Variants in AKAP7 observed in about 807,000 individuals in gnomAD.
AKAP7 encodes A kinase (PRKA) anchor protein 7.
AKAP7 carries 39 observed loss-of-function variants against 39.5 expected under a neutral mutation model. The observed-to-expected ratio is 0.99, with a 90% CI of 0.76 to 1.29. The LOEUF is 1.29. Ranked by LOEUF, AKAP7 falls within the 50% of genes most tolerant of loss-of-function variation. The pLI is 0.00. For synonymous variants in AKAP7, 140 were observed against 139.1 expected, an observed-to-expected ratio of 1.01 and a Z score of -0.05; for missense variants, 414 against 407.7, an observed-to-expected ratio of 1.02 and a Z score of -0.13.
chr6:131,223,839 G>T (rs1310872370), intron 7 of AKAP7, among the ~76,000 whole-genome samples: 1 of 152,094 alleles, frequency 6.6e-6, no homozygotes, highest in African/African-American at 2.4e-5. Context: ...TACCTAAATT[G>T]ACACTGGACA....
At chr6:131,143,954 G>A (rs867788948) in intron 1 of AKAP7, among the ~76,000 whole-genome samples, 1 of 137,974 alleles carries the variant, frequency 7.2e-6, no homozygotes, top group Middle Eastern at 3.5e-3. Flanking sequence ...TTAGGGAGTG[G>A]TGATGACTCT....
intron 7 of AKAP7, among the ~76,000 whole-genome samples, chr6:131,279,359 C>G (rs924374412): frequency 2.6e-5 from 4 of 152,154 alleles, no homozygotes; most frequent in African/African-American, 9.7e-5. Flanking sequence ...ACCTCTGCCT[C>G]CTGAGTTCAA....
intron 7 of AKAP7, among the ~76,000 whole-genome samples, chr6:131,242,916 C>T (rs1051676641): frequency 9.2e-5 from 14 of 152,300 alleles, no homozygotes; most frequent in African/African-American, 3.4e-4. Context: ...AACCAACATC[C>T]TTCACAAGAA....
rs750108715 is a variant in AKAP7 at position 131,282,293 on chromosome 6, T to A, written c.*567T>A. On this transcript the variant is annotated 3_prime_UTR_variant, in exon 8 of 8. Coordinates refer to ENST00000431975, the MANE Select transcript of AKAP7 (RefSeq NM_016377.4). ...ATATATTTTTGGTGAAATGCAACCT[T>A]TTCTATAAAATGTGGGCAACATTTT... The A allele has an allele frequency of 2.2e-6, 3 of 1,358,946 alleles. No homozygotes were observed. The highest frequency in any genetic ancestry group is 2.8e-6 in the Non-Finnish European group (3 of 1,060,308). 84.2% of individuals were successfully genotyped at this position (1,358,946 alleles called of 1,614,324 possible).
chr6:131,207,388 T>G (rs1808208272), intron 6 of AKAP7, among the ~76,000 whole-genome samples: 1 of 150,118 alleles, frequency 6.7e-6, no homozygotes, highest in Non-Finnish European at 1.5e-5. Context: ...GGCATGATCA[T>G]AGCTGATCGC....
At chr6:131,143,744 T>TA (rs1562859546) in intron 1 of AKAP7, among the ~76,000 whole-genome samples, 15 of 133,896 alleles carry the variant, frequency 1.1e-4, no homozygotes, top group African/African-American at 4.6e-4. Flanking sequence ...TATTCTTTTT[T>TA]TTTTTTTATT....
rs375145099 is a variant in AKAP7 at position 131,181,944 on chromosome 6, T to C, written c.589+12671T>C. On this transcript the variant is annotated intron_variant, in intron 5 of 7. Transcript: ENST00000431975. ...TTTGAAACCAGCCTGGCCAACATAGTGAAACTCCATCTCTACTAAAAATAC... is the reference window on the plus strand; with the variant it reads ...TTTGAAACCAGCCTGGCCAACATAGCGAAACTCCATCTCTACTAAAAATAC... Among the ~76,000 whole-genome samples the C allele has an allele frequency of 1.4e-4, 21 of 151,950 alleles. 1 individual carries two copies. Among genetic ancestry groups the C allele is most frequent in the East Asian group, 1.4e-3 (7 of 5,180 alleles).
chr6:131,282,724 G>T lies in AKAP7; in HGVS notation c.*998G>T. 1 of 756,360 alleles carries T rather than the reference G, an allele frequency of 1.3e-6. No homozygotes were observed. The allele number at this position is 756,360 out of a possible 1,614,324, so 46.9% of individuals were successfully genotyped here. ...CTGCACAACAGCAAACCAACATTTG[G>T]TGAGGAATTAGCAATTTCTTGCCAA... is the stretch of plus-strand genomic sequence containing the variant. On this transcript the variant is annotated 3_prime_UTR_variant, in exon 8 of 8. Coordinates refer to ENST00000431975, the MANE Select transcript of AKAP7 (RefSeq NM_016377.4).
chr6:131,189,593 T>C (rs554793225), intron 5 of AKAP7, among the ~76,000 whole-genome samples: 1 of 152,188 alleles, frequency 6.6e-6, no homozygotes, highest in African/African-American at 2.4e-5. Flanking sequence ...AAGATTATTA[T>C]GTAAATTTAT....
At chr6:131,135,921 A>G (rs1584916054) in intron 1 of AKAP7, 139 bp downstream of exon 1, 16 of 1,018,964 alleles carry the variant, frequency 1.6e-5, no homozygotes, top group Non-Finnish European at 2.0e-5. Context: ...AAAAGGACTC[A>G]GGGTAGCACC....
chr6:131,241,887 T>C (rs1391145406), intron 7 of AKAP7, among the ~76,000 whole-genome samples: 3 of 152,116 alleles, frequency 2.0e-5, no homozygotes, highest in East Asian at 3.9e-4. Context: ...GGAACATCAG[T>C]AGCCTAAAAA....
intron 7 of AKAP7, among the ~76,000 whole-genome samples, chr6:131,246,867 T>A (rs1431135488): frequency 6.6e-6 from 1 of 152,066 alleles, no homozygotes; most frequent in East Asian, 1.9e-4. Flanking sequence ...TATAGCTGAG[T>A]CTACACACAA....
At chr6:131,153,339 AGAT>A (rs1362735110) in intron 2 of AKAP7, among the ~76,000 whole-genome samples, 16 of 152,222 alleles carry the variant, frequency 1.1e-4, no homozygotes, top group Non-Finnish European at 1.5e-4. Flanking sequence ...AGAAAATTTT[AGAT>A]TATCCAGTTC....
chr6:131,213,752 C>G (rs1425853967), intron 6 of AKAP7, among the ~76,000 whole-genome samples: 2 of 151,970 alleles, frequency 1.3e-5, no homozygotes, highest in African/African-American at 4.8e-5. Flanking sequence ...TATGGTCTCT[C>G]CTGCAGGAAA....
chr6:131,181,277 C>T (rs1198893613), intron 5 of AKAP7, among the ~76,000 whole-genome samples: 2 of 152,174 alleles, frequency 1.3e-5, no homozygotes, highest in Non-Finnish European at 2.9e-5. Context: ...GTCAATCTCC[C>T]TACTCTTCCA....
At chr6:131,224,374 C>A (rs1020884407) in intron 7 of AKAP7, among the ~76,000 whole-genome samples, 4 of 152,212 alleles carry the variant, frequency 2.6e-5, no homozygotes. Flanking sequence ...ATGTCAATTT[C>A]TTGAGGCTTG....
intron 7 of AKAP7, among the ~76,000 whole-genome samples, chr6:131,223,485 C>A (rs767429446): frequency 1.3e-5 from 2 of 152,140 alleles, no homozygotes; most frequent in Non-Finnish European, 2.9e-5. Flanking sequence ...TTCAGTATGT[C>A]GTTTGAATTT....
intron 5 of AKAP7, among the ~76,000 whole-genome samples, chr6:131,180,376 T>C (rs1194143647): frequency 1.2e-4 from 19 of 152,204 alleles, no homozygotes. Context: ...CCAACTTTAC[T>C]TGCTCAATAA....
intron 2 of AKAP7, among the ~76,000 whole-genome samples, chr6:131,159,668 A>G (rs539597652): frequency 6.6e-6 from 1 of 152,210 alleles, no homozygotes; most frequent in Non-Finnish European, 1.5e-5. Flanking sequence ...AAACATACCT[A>G]TACAGGATGG....
Sources: gnomAD v4.1 joint callset for allele counts (sites outside exome capture counted in the v4.1 genomes callset) on GRCh38, gnomAD v4.1.1 for gene constraint, MANE v1.5 for transcripts, NCBI Gene and HGNC (gene_info 2026-07-23, HGNC 2026-07-21) for gene names.